DPYD: variants seen among roughly 807,000 people sequenced by gnomAD.
The protein encoded by DPYD is dihydropyrimidine dehydrogenase, also known as dihydropyrimidine dehydrogenase [NADP(+)].
In DPYD, 109 loss-of-function variants were observed where a neutral mutation model predicts 116.2. That is an observed-to-expected ratio of 0.94 (90% CI 0.80 to 1.10). The LOEUF (loss-of-function observed/expected upper bound fraction) is 1.10. Ranked by LOEUF, DPYD falls within the 50% of genes least tolerant of loss-of-function variation. DPYD has a pLI of 0.00. For missense variants in DPYD, 1,302 were observed against 1,254.5 expected (o/e 1.04, Z -0.57); for synonymous variants, 440 against 432.0 (o/e 1.02, Z -0.23).
upstream of DPYD, chr1:97,921,044 G>T (rs886046582): frequency 8.9e-5 from 114 of 1,277,596 alleles, 1 homozygote; most frequent in Non-Finnish European, 1.2e-4. Context: ...TAGGGCCGGC[G>T]GCGCGGGGGC....
intron 20 of DPYD, among the ~76,000 whole-genome samples, chr1:97,121,281 C>T (rs1368929465): frequency 6.6e-6 from 1 of 152,082 alleles, no homozygotes; most frequent in African/African-American, 2.4e-5. Flanking sequence ...TCAGTGGGAA[C>T]TTTCCTAATC....
At position 97,216,003 on chromosome 1, in the gene DPYD, C is replaced by T. The variant is rs573069847; in HGVS notation, c.2442+18849G>A. Among the ~76,000 whole-genome samples, 12 of 152,288 alleles carry T rather than the reference C, an allele frequency of 7.9e-5. No individual in the cohort carries two copies. The South Asian group carries it at 2.5e-3, about 32-fold the overall frequency. Reference sequence around the variant, plus strand: ...GCACTAACTACACACTATTGATCTACAATTGAATACTAGAGGCTACTGATA... The same window carrying T: ...GCACTAACTACACACTATTGATCTATAATTGAATACTAGAGGCTACTGATA... On this transcript the variant is annotated intron_variant, in intron 19 of 22. Transcript: ENST00000370192.
chr1:97,584,140 T>C (rs1653909633), intron 10 of DPYD, among the ~76,000 whole-genome samples: 1 of 152,254 alleles, frequency 6.6e-6, no homozygotes, highest in African/African-American at 2.4e-5. Flanking sequence ...ATTGTGGTTT[T>C]GATTTGCATT....
At chr1:97,906,631 C>CT (rs1354351715) in intron 1 of DPYD, among the ~76,000 whole-genome samples, 2 of 152,082 alleles carry the variant, frequency 1.3e-5, no homozygotes, top group Non-Finnish European at 2.9e-5. Context: ...TGTTCCAAGA[C>CT]TCCCCCAGTG....
At chr1:97,377,565 G>A (rs1671704918) in intron 15 of DPYD, among the ~76,000 whole-genome samples, 1 of 152,112 alleles carries the variant, frequency 6.6e-6, no homozygotes, top group African/African-American at 2.4e-5. Flanking sequence ...ATATGACAGT[G>A]GTATAGTTTT....
chr1:97,142,655 A>G (rs1010392136), intron 20 of DPYD, among the ~76,000 whole-genome samples: 2 of 148,834 alleles, frequency 1.3e-5, no homozygotes, highest in Non-Finnish European at 3.0e-5. Context: ...ATAATCTGTT[A>G]TTTTTTTTTA....
chr1:97,280,218 T>C (rs1665229328), intron 18 of DPYD: 1 of 152,104 alleles, frequency 6.6e-6, no homozygotes. Context: ...TCTTTTTTTT[T>C]ACATGAACTA....
intron 3 of DPYD, among the ~76,000 whole-genome samples, chr1:97,759,987 A>C (rs1198653605): frequency 6.6e-6 from 1 of 152,190 alleles, no homozygotes; most frequent in East Asian, 1.9e-4. Context: ...GGGAAGAAAC[A>C]AGATAAATGT....
chr1:97,609,952 T>C (rs556140394), intron 8 of DPYD, among the ~76,000 whole-genome samples: 1 of 152,142 alleles, frequency 6.6e-6, no homozygotes, highest in East Asian at 1.9e-4. Flanking sequence ...AAGTATCTTC[T>C]AAGCACTACT....
intron 20 of DPYD, among the ~76,000 whole-genome samples, chr1:97,105,141 T>A (rs1347882189): frequency 6.6e-6 from 1 of 152,140 alleles, no homozygotes; most frequent in South Asian, 2.1e-4. Context: ...AAAGTAAGTA[T>A]TTTTGAAGAA....
chr1:97,874,997 A>G (rs1671837731), intron 2 of DPYD, among the ~76,000 whole-genome samples: 1 of 151,966 alleles, frequency 6.6e-6, no homozygotes. Context: ...CAGAGAATTG[A>G]TCAAATATGG....
At chr1:97,808,838 A>G (rs1300533807) in intron 3 of DPYD, among the ~76,000 whole-genome samples, 1 of 152,080 alleles carries the variant, frequency 6.6e-6, no homozygotes, top group Non-Finnish European at 1.5e-5. Flanking sequence ...ACTGTCTTCC[A>G]AAGAGGCCAT....
intron 8 of DPYD, among the ~76,000 whole-genome samples, chr1:97,642,997 A>T (rs554981206): frequency 6.6e-6 from 1 of 152,098 alleles, no homozygotes; most frequent in African/African-American, 2.4e-5. Context: ...AAGAAAACCT[A>T]GGCAATACCA....
chr1:97,171,054 T>G (rs544000830), intron 20 of DPYD, among the ~76,000 whole-genome samples: 1 of 152,126 alleles, frequency 6.6e-6, no homozygotes, highest in Non-Finnish European at 1.5e-5. Context: ...AATATATGCA[T>G]GTAAATAAAT....
chr1:97,654,131 C>T (rs1208546401), intron 8 of DPYD, among the ~76,000 whole-genome samples: 1 of 152,170 alleles, frequency 6.6e-6, no homozygotes. Flanking sequence ...CACAGAATTG[C>T]ACAGGGCCAA....
intron 3 of DPYD, among the ~76,000 whole-genome samples, chr1:97,801,377 A>T (rs1667834987): frequency 1.3e-5 from 2 of 151,894 alleles, no homozygotes; most frequent in Admixed American, 1.3e-4. Context: ...AAACTGACCA[A>T]AACACCAATT....
intron 2 of DPYD, among the ~76,000 whole-genome samples, chr1:97,831,935 T>C (rs988273780): frequency 6.6e-5 from 10 of 152,072 alleles, no homozygotes; most frequent in Admixed American, 1.3e-4. Flanking sequence ...AGACATGCCA[T>C]GTAATATAAC....
chr1:97,611,363 A>G (rs992618058), intron 8 of DPYD, among the ~76,000 whole-genome samples: 5 of 152,092 alleles, frequency 3.3e-5, no homozygotes, highest in Non-Finnish European at 5.9e-5. Flanking sequence ...TATGGGAGCT[A>G]TAAGATGAGA....
intron 8 of DPYD, among the ~76,000 whole-genome samples, chr1:97,644,297 T>G (rs142510017): frequency 3.3e-5 from 5 of 152,188 alleles, no homozygotes; most frequent in African/African-American, 1.2e-4. Context: ...TAATTTTATA[T>G]ATCTACCAAA....
Sources: gnomAD v4.1 joint callset for allele counts (sites outside exome capture counted in the v4.1 genomes callset) on GRCh38, gnomAD v4.1.1 for gene constraint, MANE v1.5 for transcripts, NCBI Gene and HGNC (gene_info 2026-07-23, HGNC 2026-07-21) for gene names.